CPNE4: variants seen among roughly 807,000 people sequenced by gnomAD.
CPNE4 encodes the protein copine 4, also known as copine-4.
CPNE4 carries 25 observed loss-of-function variants against 67.9 expected under a neutral mutation model. That is an observed-to-expected ratio of 0.37 (90% CI 0.27 to 0.51). The LOEUF (loss-of-function observed/expected upper bound fraction) is 0.51. Ranked by LOEUF, CPNE4 falls within the 20% of genes least tolerant of loss-of-function variation. The pLI, the probability that CPNE4 is intolerant of heterozygous loss-of-function variation, is 0.93. For synonymous variants in CPNE4, 242 were observed against 244.9 expected, an observed-to-expected ratio of 0.99 and a Z score of 0.11; for missense variants, 464 against 690.8, an observed-to-expected ratio of 0.67 and a Z score of 3.68.
chr3:131,641,732 G>A (rs943567891), intron 7 of CPNE4, among the ~76,000 whole-genome samples: 22 of 152,178 alleles, frequency 1.4e-4, no homozygotes, highest in East Asian at 7.7e-4. Flanking sequence ...AGCACAATTC[G>A]CAATTGCAAA....
intron 5 of CPNE4, among the ~76,000 whole-genome samples, chr3:131,691,868 G>T (rs1451206640): frequency 1.3e-5 from 2 of 152,232 alleles, no homozygotes; most frequent in East Asian, 3.9e-4. Context: ...AATCTCAAGT[G>T]TACGCTCAGA....
intron 1 of CPNE4, chr3:131,925,437 C>T (rs1324631760): frequency 6.6e-6 from 1 of 152,212 alleles, no homozygotes; most frequent in Admixed American, 6.5e-5. Flanking sequence ...GCTTTCTCCA[C>T]AAAACCATAA....
At chr3:132,011,974 C>A (rs1170276574) in intron 1 of CPNE4, among the ~76,000 whole-genome samples, 1 of 152,094 alleles carries the variant, frequency 6.6e-6, no homozygotes, top group Non-Finnish European at 1.5e-5. Context: ...ATGGGACTGG[C>A]ATGTCTAATC....
At chr3:131,581,451 G>A in intron 9 of CPNE4, 128 bp downstream of exon 9, 1 of 660,130 alleles carries the variant, frequency 1.5e-6, no homozygotes, top group South Asian at 1.9e-5. Context: ...TTTAATACAT[G>A]ACTTTTTAAT....
At chr3:131,981,814 C>T (rs1253751393) in intron 1 of CPNE4, among the ~76,000 whole-genome samples, 1 of 152,172 alleles carries the variant, frequency 6.6e-6, no homozygotes. Flanking sequence ...GACTCAGCTC[C>T]AAGTAAAGTC....
chr3:132,001,565 A>AG (rs779909396), intron 1 of CPNE4, among the ~76,000 whole-genome samples: 4 of 135,346 alleles, frequency 3.0e-5, no homozygotes, highest in African/African-American at 1.2e-4. Flanking sequence ...GAAAGAAAGA[A>AG]AGAAAGAAAG....
At chr3:131,733,429 A>G (rs1444970662) in intron 2 of CPNE4, among the ~76,000 whole-genome samples, 4 of 152,204 alleles carry the variant, frequency 2.6e-5, no homozygotes, top group Non-Finnish European at 5.9e-5. Context: ...CCCCCCTAGA[A>G]TATCTCATGA....
At chr3:131,699,174 C>G (rs1000080697) in intron 4 of CPNE4, among the ~76,000 whole-genome samples, 1 of 152,070 alleles carries the variant, frequency 6.6e-6, no homozygotes, top group African/African-American at 2.4e-5. Context: ...GCATTCCATT[C>G]AAAAATGTAA....
chr3:131,640,565 C>T (rs1038213531), intron 7 of CPNE4, among the ~76,000 whole-genome samples: 9 of 152,170 alleles, frequency 5.9e-5, no homozygotes, highest in African/African-American at 1.4e-4. Context: ...AGGGTAGAAT[C>T]AATATTGTGA....
intron 7 of CPNE4, among the ~76,000 whole-genome samples, chr3:131,643,783 A>G (rs1582945789): frequency 6.6e-6 from 1 of 152,130 alleles, no homozygotes; most frequent in East Asian, 1.9e-4. Context: ...GTGAGTTCTC[A>G]TGAGATCTGA....
At chr3:131,732,990 T>C (rs2107763841) in intron 2 of CPNE4, among the ~76,000 whole-genome samples, 1 of 152,362 alleles carries the variant, frequency 6.6e-6, no homozygotes, top group Middle Eastern at 3.4e-3. Flanking sequence ...TACTGAGCAA[T>C]GGGTATGCAC....
intron 15 of CPNE4, among the ~76,000 whole-genome samples, chr3:131,539,278 C>T (rs1421044904): frequency 6.6e-6 from 1 of 152,116 alleles, no homozygotes; most frequent in Non-Finnish European, 1.5e-5. Flanking sequence ...GAGCAGCACC[C>T]TACTTCCTTG....
intron 1 of CPNE4, among the ~76,000 whole-genome samples, chr3:131,953,441 T>C (rs888792912): frequency 6.6e-6 from 1 of 152,082 alleles, no homozygotes; most frequent in Non-Finnish European, 1.5e-5. Context: ...GATATTGAAT[T>C]ATGTCAAATG....
At chr3:131,905,581 C>T in intron 1 of CPNE4, 137 bp from the exon 2 acceptor site, 1 of 746,116 alleles carries the variant, frequency 1.3e-6, no homozygotes, top group Non-Finnish European at 2.1e-6. Flanking sequence ...ATCTCACTTT[C>T]CAACCCAGTG....
intron 2 of CPNE4, among the ~76,000 whole-genome samples, chr3:131,737,211 C>T (rs763162904): frequency 2.7e-5 from 4 of 149,568 alleles, no homozygotes; most frequent in Admixed American, 6.7e-5. Context: ...CTAACCTCCG[C>T]CTCCCGAGTT....
intron 7 of CPNE4, among the ~76,000 whole-genome samples, chr3:131,605,304 C>G (rs981952158): frequency 1.3e-5 from 2 of 151,800 alleles, no homozygotes; most frequent in African/African-American, 4.8e-5. Context: ...TTAGGTGCAG[C>G]TTTGTTACAT....
intron 1 of CPNE4, among the ~76,000 whole-genome samples, chr3:131,944,124 T>C (rs1169622767): frequency 4.6e-5 from 7 of 152,248 alleles, no homozygotes; most frequent in African/African-American, 1.7e-4. Context: ...AAAATGTTAA[T>C]TGAACTAAAT....
chr3:131,817,828 CCTT>C (rs1362601388), intron 2 of CPNE4, among the ~76,000 whole-genome samples: 3 of 152,282 alleles, frequency 2.0e-5, no homozygotes, highest in African/African-American at 7.2e-5. Flanking sequence ...CTTGTCCTAA[CCTT>C]CTTGAATAAG....
At chr3:131,558,148 A>G (rs1936567113) in intron 11 of CPNE4, among the ~76,000 whole-genome samples, 1 of 151,976 alleles carries the variant, frequency 6.6e-6, no homozygotes, top group South Asian at 2.1e-4. Flanking sequence ...CTCACCTACA[A>G]GGGGAATAAT....
Sources: allele counts gnomAD v4.1 joint callset (sites outside exome capture counted in the v4.1 genomes callset), GRCh38; gene constraint gnomAD v4.1.1; transcripts MANE v1.5; gene names NCBI Gene and HGNC (gene_info 2026-07-23, HGNC 2026-07-21).